SMYD3: variants seen among roughly 807,000 people sequenced by gnomAD.
SMYD3 encodes the protein histone-lysine N-methyltransferase SMYD3.
SMYD3 carries 36 observed loss-of-function variants against 57.7 expected under a neutral mutation model. The ratio of observed to expected loss-of-function variants is 0.62; its 90% CI spans 0.48 to 0.82. SMYD3 has a LOEUF of 0.82. Among genes scored for constraint, SMYD3 ranks in the 40% least tolerant of loss-of-function variants. SMYD3 has a pLI of 0.00. For synonymous variants in SMYD3, 211 were observed against 195.0 expected, an observed-to-expected ratio of 1.08 and a Z score of -0.68; for missense variants, 515 against 538.8, an observed-to-expected ratio of 0.96 and a Z score of 0.44.
intron 5 of SMYD3, among the ~76,000 whole-genome samples, chr1:246,296,935 G>A (rs1002111886): frequency 6.6e-6 from 1 of 152,162 alleles, no homozygotes; most frequent in African/African-American, 2.4e-5. Flanking sequence ...AGGAACTTAG[G>A]TAGAGGAAGC....
At chr1:246,260,045 G>T (rs1404757272) in intron 5 of SMYD3, among the ~76,000 whole-genome samples, 2 of 152,180 alleles carry the variant, frequency 1.3e-5, no homozygotes, top group Admixed American at 1.3e-4. Flanking sequence ...AGGCAAGCAG[G>T]TGTTCTGAAT....
intron 1 of SMYD3, among the ~76,000 whole-genome samples, chr1:246,374,545 C>G (rs1287642810): frequency 2.1e-5 from 3 of 140,510 alleles, no homozygotes; most frequent in African/African-American, 8.1e-5. Context: ...ACAGTGCTGT[C>G]TCGTGTCCCT....
chr1:246,224,980 G>C (rs1297843227), intron 5 of SMYD3, among the ~76,000 whole-genome samples: 2 of 152,014 alleles, frequency 1.3e-5, no homozygotes, highest in African/African-American at 4.8e-5. Context: ...TCCAAGTGAG[G>C]ATGAAACCAG....
intron 10 of SMYD3, among the ~76,000 whole-genome samples, chr1:245,829,618 G>A (rs968722568): frequency 6.6e-5 from 10 of 152,178 alleles, no homozygotes; most frequent in African/African-American, 2.4e-4. Context: ...CTTACCATAT[G>A]ATCTGGTAAT....
intron 5 of SMYD3, among the ~76,000 whole-genome samples, chr1:246,135,872 G>GT (rs2061658528): frequency 6.6e-6 from 1 of 152,134 alleles, no homozygotes; most frequent in Non-Finnish European, 1.5e-5. Flanking sequence ...AAGCATTCAA[G>GT]TAAGTTTTCT....
Position 245,989,273 on chromosome 1 carries a change from C to A in SMYD3, c.532-59336G>T, listed in dbSNP as rs867824244. The stretch of plus-strand genomic sequence containing the variant: ...CCCAACTGAAATGGGTCCACTGCTG[C>A]AAGATCTTTGAAGAGGAGTCAGTTA... On this transcript the variant is annotated intron_variant, in intron 5 of 11. Transcript: ENST00000490107. Among the ~76,000 whole-genome samples, 6 of 151,848 alleles carry A rather than the reference C, an allele frequency of 4.0e-5. No individual in the cohort carries two copies. The Middle Eastern group carries it at 0.017, about 430-fold the overall frequency.
chr1:246,215,828 A>G (rs1453030347), intron 5 of SMYD3, among the ~76,000 whole-genome samples: 2 of 152,162 alleles, frequency 1.3e-5, no homozygotes, highest in African/African-American at 4.8e-5. Flanking sequence ...ACAAAAATCT[A>G]AAATGTGTAA....
intron 5 of SMYD3, among the ~76,000 whole-genome samples, chr1:246,103,012 G>C (rs2061047017): frequency 6.6e-6 from 1 of 152,148 alleles, no homozygotes; most frequent in East Asian, 1.9e-4. Context: ...CTGTATTTAA[G>C]TGCCTGTCCT....
At chr1:245,764,484 TC>T (rs566895380) in intron 10 of SMYD3, among the ~76,000 whole-genome samples, 24 of 152,106 alleles carry the variant, frequency 1.6e-4, no homozygotes, top group Non-Finnish European at 3.4e-4. Flanking sequence ...AATCTCCTCC[TC>T]CAAGCTCTTC....
intron 1 of SMYD3, among the ~76,000 whole-genome samples, chr1:246,415,958 C>T (rs1176843427): frequency 2.6e-5 from 4 of 152,130 alleles, no homozygotes; most frequent in Admixed American, 6.5e-5. Context: ...AACTCCCACA[C>T]GTAAGTACAC....
chr1:246,166,281 C>T lies in SMYD3; in HGVS notation c.531+160920G>A, dbSNP rs111521487. 1.3e-3 allele frequency among the ~76,000 whole-genome samples: 204 copies of T among 152,272 alleles called. 1 individual carries two copies. Among genetic ancestry groups the T allele is most frequent in the African/African-American group, 4.6e-3 (192 of 41,546 alleles). On this transcript the variant is annotated intron_variant, in intron 5 of 11. Coordinates refer to ENST00000490107, the MANE Select transcript of SMYD3 (RefSeq NM_001167740.2). ...ACCAGGCCACACACTGCCACGTTCC[C>T]TTCACAGTCCTAAAGAAAAAAAGGT...
At position 246,088,423 on chromosome 1, in the gene SMYD3, C is replaced by A. The variant is rs376253576; in HGVS notation, c.532-158486G>T. On this transcript the variant is annotated intron_variant, in intron 5 of 11. Transcript: ENST00000490107. The stretch of plus-strand genomic sequence containing the variant: ...AGGAGATCGAGACCATCCTGGCTAA[C>A]ACGGTGAAACCCCGTCTCTACTAAA... Among the ~76,000 whole-genome samples the A allele has an allele frequency of 1.2e-3, 176 of 149,652 alleles. 1 individual carries two copies. The highest frequency in any genetic ancestry group is 4.2e-3 in the African/African-American group (168 of 39,814).
chr1:246,259,162 T>C (rs890078165), intron 5 of SMYD3, among the ~76,000 whole-genome samples: 4 of 152,214 alleles, frequency 2.6e-5, no homozygotes, highest in Non-Finnish European at 4.4e-5. Context: ...TTGGATCTCA[T>C]TGAGCTTCCT....
chr1:246,434,405 C>T (rs1314271022), intron 1 of SMYD3, among the ~76,000 whole-genome samples: 1 of 152,114 alleles, frequency 6.6e-6, no homozygotes, highest in Non-Finnish European at 1.5e-5. Flanking sequence ...ATTTGTCATC[C>T]GACAAAGGTC....
rs973577097 is a variant in SMYD3, at chr1:246,288,993, T to C, written c.531+38208A>G. 2.6e-5 allele frequency among the ~76,000 whole-genome samples: 4 copies of C among 152,066 alleles called. No homozygotes were observed. In the East Asian group the frequency reaches 5.8e-4, roughly 22 times the overall value. On this transcript the variant is annotated intron_variant, in intron 5 of 11. Transcript: ENST00000490107. ...AGCTGGGTGTGGTGGCGGGCACCTG[T>C]AATCCCAGCTACTTGGGAGGGTGAG...
At chr1:246,192,163 A>T (rs936458021) in intron 5 of SMYD3, among the ~76,000 whole-genome samples, 1 of 152,124 alleles carries the variant, frequency 6.6e-6, no homozygotes, top group Non-Finnish European at 1.5e-5. Flanking sequence ...CAGTGGTATT[A>T]TTATAGCTCA....
intron 5 of SMYD3, among the ~76,000 whole-genome samples, chr1:245,931,065 G>T (rs2147852524): frequency 6.6e-6 from 1 of 152,312 alleles, no homozygotes. Context: ...AAAGTAGGGG[G>T]CAAAACACGA....
intron 2 of SMYD3, among the ~76,000 whole-genome samples, chr1:246,337,106 G>A (rs2065554791): frequency 6.6e-6 from 1 of 152,124 alleles, no homozygotes; most frequent in African/African-American, 2.4e-5. Flanking sequence ...ACAACTCAGT[G>A]AAAGAACAAG....
intron 1 of SMYD3, among the ~76,000 whole-genome samples, chr1:246,443,490 A>C (rs2067501389): frequency 6.6e-6 from 1 of 152,256 alleles, no homozygotes; most frequent in South Asian, 2.1e-4. Context: ...TAATGTAATG[A>C]AAGTTATTCA....
Sources: gnomAD v4.1 joint callset for allele counts (sites outside exome capture counted in the v4.1 genomes callset) on GRCh38, gnomAD v4.1.1 for gene constraint, MANE v1.5 for transcripts, NCBI Gene and HGNC (gene_info 2026-07-23, HGNC 2026-07-21) for gene names.